Variants in ITPRIP observed in about 807,000 individuals in gnomAD.
ITPRIP encodes the protein inositol 1,4,5-trisphosphate receptor interacting protein.
A neutral mutation model predicts 35.8 loss-of-function variants in ITPRIP; 32 were observed. The ratio of observed to expected loss-of-function variants is 0.89; its 90% CI spans 0.68 to 1.20. ITPRIP has a LOEUF of 1.20. ITPRIP is among the 50% of genes most tolerant of loss of function. The probability of loss-of-function intolerance (pLI) is 0.00; values close to 1 mark genes in which losing one functional copy is unlikely to be tolerated. For missense variants in ITPRIP, 653 were observed against 735.6 expected (o/e 0.89, Z 1.30); for synonymous variants, 358 against 324.0 (o/e 1.11, Z -1.13).
Position 104,314,533 on chromosome 10 carries a change from C to T in ITPRIP, c.1519G>A (p.Val507Ile), listed in dbSNP as rs757147778. The T allele has an allele frequency of 2.3e-5, 37 of 1,614,084 alleles. No homozygotes were observed. Among genetic ancestry groups the T allele is most frequent in the East Asian group, 6.7e-5 (3 of 44,896 alleles). Residue 507 changes from valine to isoleucine, a missense_variant, in exon 2 of 2, where the codon GTC (valine) becomes ATC (isoleucine). By Grantham distance (29) the Val-to-Ile change is conservative. Transcript: ENST00000337478. ...TTACGGTAAAGGCTTCGCTGCAGGACGAAGGGCCGGAAGAGGTTGAGGGGC... is the reference window on the plus strand; with the variant it reads ...TTACGGTAAAGGCTTCGCTGCAGGATGAAGGGCCGGAAGAGGTTGAGGGGC... The part of the protein sequence containing the change: ...AEPLNLFRPF[V>I]LQRSLYRKTL...
chr10:104,317,451 T>C (rs1232155074), intron 1 of ITPRIP, among the ~76,000 whole-genome samples: 1 of 152,188 alleles, frequency 6.6e-6, no homozygotes, highest in East Asian at 1.9e-4. Context: ...CACATTTTAA[T>C]ACCATCCATA....
At chr10:104,334,452 T>C (rs2014203623) in intron 1 of ITPRIP, among the ~76,000 whole-genome samples, 1 of 152,240 alleles carries the variant, frequency 6.6e-6, no homozygotes, top group Admixed American at 6.5e-5. Context: ...TCTCATGGCC[T>C]GGCCCTACAA....
rs1281631075 is a variant in ITPRIP, at chr10:104,313,795, G to A, written c.*613C>T. ...ACCAAGTACCCATTTCCGTGTGACA[G>A]AGACGTTAGTCATTTGGGCCTCGAA... On this transcript the variant is annotated 3_prime_UTR_variant, in exon 2 of 2. Coordinates refer to ENST00000337478, the MANE Select transcript of ITPRIP (RefSeq NM_001272013.2). 1 of 985,526 alleles carries A rather than the reference G, an allele frequency of 1.0e-6. No homozygotes were observed. The allele number at this position is 985,526 out of a possible 1,614,324, so 61.0% of individuals were successfully genotyped here. A position where few individuals can be genotyped will look rare whatever the true frequency, so the allele number is the denominator to read the frequency against.
chr10:104,315,425 G>A lies in ITPRIP; in HGVS notation c.627C>T (p.His209=), dbSNP rs2013639484. The part of the protein sequence containing the change: ...NWQVDRPLLC[H]LFVPFTPPEP... ...CGGGGGGTGTGAAGGGCACGAAAAGGTGGCACAGCAGTGGCCTGTCCACCT... is the reference window on the plus strand; with the variant it reads ...CGGGGGGTGTGAAGGGCACGAAAAGATGGCACAGCAGTGGCCTGTCCACCT... Residue 209 remains histidine (H), a synonymous_variant, in exon 2 of 2, where the codon CAC becomes CAT. Transcript: ENST00000337478. This position sits in a 1 kb window ranked among gnomAD's most constrained non-coding sequence, Gnocchi z 5.7. 6.3e-7 allele frequency: 1 copy of A among 1,596,462 alleles called. No homozygotes were observed. The highest frequency in any genetic ancestry group is 2.2e-5 in the East Asian group (1 of 44,628).
intron 1 of ITPRIP, among the ~76,000 whole-genome samples, chr10:104,334,255 G>A (rs988174692): frequency 2.0e-5 from 3 of 152,226 alleles, no homozygotes; most frequent in Non-Finnish European, 4.4e-5. Flanking sequence ...GGCTGCCTGA[G>A]GCAGCCGAAG....
Position 104,315,440 on chromosome 10 carries a change from C to G in ITPRIP, c.612G>C (p.Arg204Ser), listed in dbSNP as rs1288081317. The change falls in exon 2 of 2, where the codon AGG becomes AGC. Residue 204 changes from arginine to serine, a missense_variant. By Grantham distance (110) the Arg-to-Ser change is moderately radical. Transcript: ENST00000337478. This position sits in a 1 kb window ranked among gnomAD's most constrained non-coding sequence, Gnocchi z 5.7. ...GCACGAAAAGGTGGCACAGCAGTGG[C>G]CTGTCCACCTGCCAGTTCTCGTACA... ...DSMYENWQVD[R>S]PLLCHLFVPF... 6.2e-7 allele frequency: 1 copy of G among 1,606,988 alleles called. No homozygotes were observed. The highest frequency in any genetic ancestry group is 8.5e-7 in the Non-Finnish European group (1 of 1,175,344).
chr10:104,317,041 A>G (rs191159190), intron 1 of ITPRIP, among the ~76,000 whole-genome samples: 69 of 152,278 alleles, frequency 4.5e-4, no homozygotes, highest in South Asian at 8.3e-4. Flanking sequence ...GCACATATTC[A>G]CTGAACAATA....
intron 1 of ITPRIP, among the ~76,000 whole-genome samples, chr10:104,329,549 C>T (rs536136840): frequency 7.2e-5 from 11 of 152,178 alleles, no homozygotes; most frequent in African/African-American, 2.2e-4. Flanking sequence ...CTCATATGTG[C>T]GTCAGTCAGA....
In ITPRIP at chr10:104,316,019, C is replaced by T; in HGVS notation, c.33G>A (p.Val11=). 1.2e-6 allele frequency: 2 copies of T among 1,601,584 alleles called. No homozygotes were observed. Among genetic ancestry groups the T allele is most frequent in the Non-Finnish European group, 1.7e-6 (2 of 1,174,510 alleles). The change falls in exon 2 of 2, where the codon GTG becomes GTA. Residue 11 remains valine, a synonymous_variant. Coordinates refer to ENST00000337478, the MANE Select transcript of ITPRIP (RefSeq NM_001272013.2). The stretch of plus-strand genomic sequence containing the variant: ...GGTGGTTGATGATGGCCGTCACCAC[C>T]ACCAGACACACGCGGAAGAGCCCCA... MAMGLFRVCL[V]VVTAIINHPL...
chr10:104,327,975 T>A (rs2014065046), intron 1 of ITPRIP, among the ~76,000 whole-genome samples: 1 of 152,108 alleles, frequency 6.6e-6, no homozygotes, highest in African/African-American at 2.4e-5. Flanking sequence ...AAGGGCAGGG[T>A]CCTGTTTGTC....
chr10:104,316,837 G>A (rs745408075), intron 1 of ITPRIP, among the ~76,000 whole-genome samples: 1 of 152,144 alleles, frequency 6.6e-6, no homozygotes, highest in Non-Finnish European at 1.5e-5. Context: ...AAGCCTAGTG[G>A]TTAAGGGAGA....
At chr10:104,331,700 T>C (rs1419693123) in intron 1 of ITPRIP, among the ~76,000 whole-genome samples, 1 of 152,244 alleles carries the variant, frequency 6.6e-6, no homozygotes, top group African/African-American at 2.4e-5. Flanking sequence ...CAAAGTGCTC[T>C]GAATATTATC....
chr10:104,322,003 G>A (rs897945383), intron 1 of ITPRIP, among the ~76,000 whole-genome samples: 7 of 152,102 alleles, frequency 4.6e-5, no homozygotes, highest in African/African-American at 1.7e-4. Context: ...CAATCCACGC[G>A]GGAAGGTAGA....
At position 104,310,779 on chromosome 10, in the gene ITPRIP, T is replaced by C. The variant is rs1589883678; in HGVS notation, c.*3629A>G. The C allele has an allele frequency of 6.6e-6, 1 of 152,114 alleles. No homozygotes were observed. Among genetic ancestry groups the C allele is most frequent in the Non-Finnish European group, 1.5e-5 (1 of 68,042 alleles). 9.4% of individuals were successfully genotyped at this position (152,114 alleles called of 1,614,324 possible). ...AGTCCTGGTCATTTTTCAGAGTCTC[T>C]ATCTGGCAGCGCCCCACCATGAGGC... On this transcript the variant is annotated 3_prime_UTR_variant, in exon 2 of 2. Transcript: ENST00000337478.
At chr10:104,318,958 G>A (rs1056780166) in intron 1 of ITPRIP, among the ~76,000 whole-genome samples, 6 of 152,276 alleles carry the variant, frequency 3.9e-5, no homozygotes, top group Non-Finnish European at 5.9e-5. Flanking sequence ...GGTTCAGGGC[G>A]GAGTGCGCCG....
In ITPRIP at chr10:104,311,400, A is replaced by C. The variant is rs2013483206; in HGVS notation, c.*3008T>G. On this transcript the variant is annotated 3_prime_UTR_variant, in exon 2 of 2. Transcript: ENST00000337478. ...CAGTCACTTGGGGGAAATCTTTAAA[A>C]ATCGAGCCTAGCCTGACCACTCCAG... The C allele has an allele frequency of 6.6e-6, 1 of 152,210 alleles. No individual in the cohort carries two copies. Among genetic ancestry groups the C allele is most frequent in the African/African-American group, 2.4e-5 (1 of 41,442 alleles). 9.4% of individuals were successfully genotyped at this position (152,210 alleles called of 1,614,324 possible).
intron 1 of ITPRIP, chr10:104,323,491 C>T (rs1234239507): frequency 6.6e-6 from 1 of 152,382 alleles, no homozygotes; most frequent in African/African-American, 2.4e-5. Flanking sequence ...TGATGGAAAA[C>T]TGAGTGGGTC....
chr10:104,316,607 G>A lies in ITPRIP; in HGVS notation c.-13-543C>T, dbSNP rs944964431. On this transcript the variant is annotated intron_variant, in intron 1 of 1. Coordinates refer to ENST00000337478, the MANE Select transcript of ITPRIP (RefSeq NM_001272013.2). ...CAGTGGGCTCTCGGGAAGGGAGCCC[G>A]CCTGAGAAAGACACCAACATAGAGG... Among the ~76,000 whole-genome samples, 13 of 152,218 alleles carry A rather than the reference G, an allele frequency of 8.5e-5. No individual in the cohort carries two copies. In the South Asian group the frequency reaches 1.5e-3, roughly 17 times the overall value.
At position 104,312,768 on chromosome 10, in the gene ITPRIP, A is replaced by AC. The variant is rs574876147; in HGVS notation, c.*1639_*1640insG. 5.0e-4 allele frequency: 490 copies of AC among 985,140 alleles called. 4 individuals carry two copies. The highest frequency in any genetic ancestry group is 3.4e-4 in the East Asian group (3 of 8,774). The allele number at this position is 985,140 out of a possible 1,614,324, so 61.0% of individuals were successfully genotyped here. ...AGGCTGGTTGAGAGCACTCCTGGGG[A>AC]TGGGGGAAGGATCTCCTTCCTTCAG... On this transcript the variant is annotated 3_prime_UTR_variant, in exon 2 of 2. Coordinates refer to ENST00000337478, the MANE Select transcript of ITPRIP (RefSeq NM_001272013.2).
Sources: allele counts gnomAD v4.1 joint callset (sites outside exome capture counted in the v4.1 genomes callset), GRCh38; gene constraint gnomAD v4.1.1; non-coding constraint Gnocchi (gnomAD v3.1); transcripts MANE v1.5; gene names NCBI Gene and HGNC (gene_info 2026-07-23, HGNC 2026-07-21).